AGAP1: variants seen among roughly 807,000 people sequenced by gnomAD.
AGAP1 encodes the protein arf-GAP with GTPase, ANK repeat and PH domain-containing protein 1.
AGAP1 carries 29 observed loss-of-function variants against 105.3 expected under a neutral mutation model. The observed-to-expected ratio is 0.28, with a 90% confidence interval of 0.21 to 0.38. The LOEUF (loss-of-function observed/expected upper bound fraction) is 0.38, where lower values mean the gene tolerates loss of function less well. Among genes scored for constraint, AGAP1 ranks in the 10% least tolerant of loss-of-function variants. The pLI, the probability that AGAP1 is intolerant of heterozygous loss-of-function variation, is 1.00. For missense variants in AGAP1, 998 were observed against 1,165.1 expected, an observed-to-expected ratio of 0.86 and a Z score of 2.09; for synonymous variants, 509 against 485.9, an observed-to-expected ratio of 1.05 and a Z score of -0.63.
At position 235,721,839 on chromosome 2, in the gene AGAP1, C is replaced by T. The variant is rs375071183; in HGVS notation, c.310+4195C>T. Among the ~76,000 whole-genome samples the T allele has an allele frequency of 1.3e-5, 2 of 152,106 alleles. No homozygotes were observed. Among genetic ancestry groups the T allele is most frequent in the African/African-American group, 4.8e-5 (2 of 41,414 alleles). The stretch of plus-strand genomic sequence containing the variant: ...GGTAGAAACATTTCTGGTGCAGAGC[C>T]GTCTCCAGATCCAGGCCTCCTTTTC... On this transcript the variant is annotated intron_variant, in intron 3 of 17. Coordinates refer to ENST00000304032, the MANE Select transcript of AGAP1 (RefSeq NM_001037131.3). This position sits in a 1 kb window ranked among gnomAD's most constrained non-coding sequence, Gnocchi z 4.5.
rs1575065212 is a variant in AGAP1 at position 235,662,346 on chromosome 2, A to G, written c.164-46833A>G. On this transcript the variant is annotated intron_variant, in intron 1 of 17. Coordinates refer to ENST00000304032, the MANE Select transcript of AGAP1 (RefSeq NM_001037131.3). This position sits in a 1 kb window ranked among gnomAD's most constrained non-coding sequence, Gnocchi z 4.2. ...TGTGCAGAGCTGAGCTGATGAGGAA[A>G]GTCTTGGTATGTAACCAACCAGGTC... Among the ~76,000 whole-genome samples, 2 of 152,156 alleles carry G rather than the reference A, an allele frequency of 1.3e-5. No individual in the cohort carries two copies. The highest frequency in any genetic ancestry group is 2.9e-5 in the Non-Finnish European group (2 of 68,018).
chr2:235,568,125 ACCCTGGACAG>A (rs1944405923), intron 1 of AGAP1, among the ~76,000 whole-genome samples: 2 of 151,834 alleles, frequency 1.3e-5, no homozygotes, highest in African/African-American at 4.8e-5. Context: ...GCCCTCAGGG[ACCCTGGACAG>A]CATCCTGAGC....
rs1943755623 is a variant in AGAP1 at position 235,550,074 on chromosome 2, G to A, written c.163+55225G>A. On this transcript the variant is annotated intron_variant, in intron 1 of 17. Transcript: ENST00000304032. This position sits in a 1 kb window ranked among gnomAD's most constrained non-coding sequence, Gnocchi z 4.6. ...GTACATTTTTAGGAAGGACGGGTAG[G>A]GTTGCTGCTTCAGAGATCAAGTGGC... Among the ~76,000 whole-genome samples, 1 of 152,168 alleles carries A rather than the reference G, an allele frequency of 6.6e-6. No individual in the cohort carries two copies. Among genetic ancestry groups the A allele is most frequent in the African/African-American group, 2.4e-5 (1 of 41,444 alleles).
chr2:235,661,502 A>C (rs1575063650), intron 1 of AGAP1, among the ~76,000 whole-genome samples: 1 of 110,562 alleles, frequency 9.0e-6, no homozygotes, highest in Non-Finnish European at 1.7e-5. Flanking sequence ...AATCCTAGGA[A>C]TGGGAAAGGG....
At position 235,971,884 on chromosome 2, in the gene AGAP1, T is replaced by A. The variant is rs1205581017; in HGVS notation, c.1645+3261T>A. On this transcript the variant is annotated intron_variant, in intron 13 of 17. Coordinates refer to ENST00000304032, the MANE Select transcript of AGAP1 (RefSeq NM_001037131.3). This position sits in a 1 kb window ranked among gnomAD's most constrained non-coding sequence, Gnocchi z 4.8. ...GCCTCGAACTCCCAGGTTCAAGTGA[T>A]CTTCCCACCTCAGCCTCCCAAGTAG... 6.6e-6 allele frequency among the ~76,000 whole-genome samples: 1 copy of A among 151,714 alleles called. No homozygotes were observed. Among genetic ancestry groups the A allele is most frequent in the Middle Eastern group, 3.2e-3 (1 of 316 alleles).
intron 1 of AGAP1, chr2:235,670,900 C>T (rs1948374990): frequency 5.2e-6 from 7 of 1,345,544 alleles, no homozygotes; most frequent in East Asian, 3.1e-5. Flanking sequence ...TGCTGCGCTT[C>T]TTCAGCGGCA....
rs958065309 is a variant in AGAP1, at chr2:236,001,146, G to A, written c.1645+32523G>A. Among the ~76,000 whole-genome samples, 1 of 152,174 alleles carries A rather than the reference G, an allele frequency of 6.6e-6. No homozygotes were observed. The highest frequency in any genetic ancestry group is 1.5e-5 in the Non-Finnish European group (1 of 68,038). ...ACAGGAAACACCACATGGAGACTCTGGCGGTGGCTGGGGCAGCGCGGCTGT... is the reference window on the plus strand; with the variant it reads ...ACAGGAAACACCACATGGAGACTCTAGCGGTGGCTGGGGCAGCGCGGCTGT... On this transcript the variant is annotated intron_variant, in intron 13 of 17. Coordinates refer to ENST00000304032, the MANE Select transcript of AGAP1 (RefSeq NM_001037131.3). This position sits in a 1 kb window ranked among gnomAD's most constrained non-coding sequence, Gnocchi z 4.7.
chr2:235,543,349 C>G (rs1943515716), intron 1 of AGAP1, among the ~76,000 whole-genome samples: 1 of 152,196 alleles, frequency 6.6e-6, no homozygotes, highest in Non-Finnish European at 1.5e-5. Context: ...AGTGGCTTCC[C>G]TGCCATTCGG....
intron 1 of AGAP1, among the ~76,000 whole-genome samples, chr2:235,684,445 A>G (rs1418450381): frequency 6.6e-6 from 1 of 152,192 alleles, no homozygotes; most frequent in African/African-American, 2.4e-5. Context: ...GTCATTGCCC[A>G]GAATGTCCCA....
At position 236,128,921 on chromosome 2, in the gene AGAP1, A is replaced by G. The variant is rs1239384353; in HGVS notation, c.*4799A>G. 3 of 152,218 alleles carry G rather than the reference A, an allele frequency of 2.0e-5. No homozygotes were observed. The highest frequency in any genetic ancestry group is 2.9e-5 in the Non-Finnish European group (2 of 68,034). 9.4% of individuals were successfully genotyped at this position (152,218 alleles called of 1,614,324 possible). A position where few individuals can be genotyped will look rare whatever the true frequency, so the allele number is the denominator to read the frequency against. The stretch of plus-strand genomic sequence containing the variant: ...CCCCGGGGTTGTATTTATGGCCTTC[A>G]AGCAAACAAATTGAAAAGCAGTCAA... On this transcript the variant is annotated 3_prime_UTR_variant, in exon 18 of 18. Transcript: ENST00000304032. This position sits in a 1 kb window ranked among gnomAD's most constrained non-coding sequence, Gnocchi z 5.9.
chr2:235,519,323 A>G (rs1942527466), intron 1 of AGAP1, among the ~76,000 whole-genome samples: 2 of 152,170 alleles, frequency 1.3e-5, no homozygotes, highest in Non-Finnish European at 2.9e-5. Context: ...TCCTCCCACT[A>G]TGGCCTCCCG....
At chr2:236,019,208 G>A (rs1174581681) in intron 13 of AGAP1, among the ~76,000 whole-genome samples, 1 of 152,150 alleles carries the variant, frequency 6.6e-6, no homozygotes, top group Non-Finnish European at 1.5e-5. Context: ...CCTTGTTCCC[G>A]ACTCTCAGGT....
At chr2:235,818,206 A>G (rs1262155119) in intron 9 of AGAP1, among the ~76,000 whole-genome samples, 4 of 152,226 alleles carry the variant, frequency 2.6e-5, no homozygotes, top group Non-Finnish European at 5.9e-5. Context: ...TGGTTGCTTC[A>G]TCACAGGACC....
intron 16 of AGAP1, among the ~76,000 whole-genome samples, chr2:236,100,861 A>G (rs1270228441): frequency 6.6e-6 from 1 of 152,094 alleles, no homozygotes; most frequent in African/African-American, 2.4e-5. Flanking sequence ...TAGTTGAGAA[A>G]GAAAACCCAA....
chr2:235,937,926 T>G (rs2053069740), intron 12 of AGAP1, among the ~76,000 whole-genome samples: 1 of 152,240 alleles, frequency 6.6e-6, no homozygotes, highest in South Asian at 2.1e-4. Flanking sequence ...TTCGCTTCCT[T>G]GGCCCCTTCC....
At chr2:235,813,189 T>C (rs1456297187) in intron 9 of AGAP1, among the ~76,000 whole-genome samples, 1 of 152,250 alleles carries the variant, frequency 6.6e-6, no homozygotes, top group Admixed American at 6.5e-5. Context: ...CCCCGCCCTT[T>C]TGGCAATGTT....
chr2:235,501,364 G>A (rs1941554657), intron 1 of AGAP1, among the ~76,000 whole-genome samples: 1 of 152,134 alleles, frequency 6.6e-6, no homozygotes, highest in African/African-American at 2.4e-5. Flanking sequence ...TATTTAGATT[G>A]GGTTCTTCAG....
In AGAP1 at chr2:235,934,438, C is replaced by T. The variant is rs548788931; in HGVS notation, c.1483+3515C>T. 1.3e-5 allele frequency among the ~76,000 whole-genome samples: 2 copies of T among 152,280 alleles called. No homozygotes were observed. The highest frequency in any genetic ancestry group is 4.8e-5 in the African/African-American group (2 of 41,568). ...GCGTCCCTCTGGTTCGCGTCATTCC[C>T]CCCTTTAGTGTGCTGCTTCGTCAAG... On this transcript the variant is annotated intron_variant, in intron 12 of 17. Transcript: ENST00000304032. This position sits in a 1 kb window ranked among gnomAD's most constrained non-coding sequence, Gnocchi z 4.9.
At chr2:235,580,014 T>C (rs1332788010) in intron 1 of AGAP1, among the ~76,000 whole-genome samples, 2 of 152,212 alleles carry the variant, frequency 1.3e-5, no homozygotes, top group African/African-American at 4.8e-5. Context: ...TGGCCTTCTG[T>C]GACTGGGTTC....
Sources: gnomAD v4.1 joint callset for allele counts (sites outside exome capture counted in the v4.1 genomes callset) on GRCh38, gnomAD v4.1.1 for gene constraint, Gnocchi (gnomAD v3.1) non-coding constraint, MANE v1.5 for transcripts, NCBI Gene and HGNC (gene_info 2026-07-23, HGNC 2026-07-21) for gene names.